The following ESRRG variants were observed in gnomAD, a reference collection of about 807,000 sequenced individuals.
The protein encoded by ESRRG is estrogen-related receptor gamma.
In ESRRG, 13 loss-of-function variants were observed where a neutral mutation model predicts 44.0. That is an observed-to-expected ratio of 0.30 (90% CI 0.19 to 0.47). The LOEUF (loss-of-function observed/expected upper bound fraction) is 0.47. ESRRG is among the 20% of genes least tolerant of loss of function. ESRRG has a pLI of 1.00. For missense variants in ESRRG, 395 were observed against 580.6 expected, an observed-to-expected ratio of 0.68 and a Z score of 3.29; for synonymous variants, 215 against 214.6, an observed-to-expected ratio of 1.00 and a Z score of -0.02.
chr1:216,976,784 G>A (rs1421303732), intron 1 of ESRRG, among the ~76,000 whole-genome samples: 1 of 152,098 alleles, frequency 6.6e-6, no homozygotes, highest in African/African-American at 2.4e-5. Context: ...AAATGAGTCT[G>A]TCTTTCCTCC....
At chr1:217,009,423 G>A (rs1237170286) in intron 1 of ESRRG, among the ~76,000 whole-genome samples, 2 of 152,140 alleles carry the variant, frequency 1.3e-5, no homozygotes, top group Non-Finnish European at 2.9e-5. Flanking sequence ...AAGACACAGA[G>A]GGACAGCCCA....
At chr1:217,049,782 C>T (rs11572415) in intron 1 of ESRRG, among the ~76,000 whole-genome samples, 18,368 of 152,108 alleles carry the variant, frequency 0.12, 1,328 homozygotes, top group East Asian at 0.21. Context: ...CAGTGTCATT[C>T]GTGAGAAGTC....
At chr1:217,005,544 A>C (rs1269676294) in intron 1 of ESRRG, among the ~76,000 whole-genome samples, 2 of 152,194 alleles carry the variant, frequency 1.3e-5, no homozygotes, top group Non-Finnish European at 2.9e-5. Flanking sequence ...GACAACTAAT[A>C]GAAGGACTTG....
intron 1 of ESRRG, among the ~76,000 whole-genome samples, chr1:216,687,843 G>A (rs772613112): frequency 1.3e-5 from 2 of 152,096 alleles, no homozygotes; most frequent in Non-Finnish European, 2.9e-5. Context: ...GTGAAATTTT[G>A]TTGAAATCAG....
upstream of ESRRG, chr1:216,723,619 G>T (rs974151060): frequency 5.6e-6 from 2 of 354,500 alleles, no homozygotes; most frequent in South Asian, 1.1e-4. Flanking sequence ...GCAGAGAGCC[G>T]AAGGGGGCTG....
chr1:216,514,982 AC>A (rs1426713163), intron 6 of ESRRG, among the ~76,000 whole-genome samples: 8 of 151,662 alleles, frequency 5.3e-5, no homozygotes, highest in African/African-American at 1.5e-4. Flanking sequence ...ACACACACAC[AC>A]ACAACACACA....
intron 1 of ESRRG, among the ~76,000 whole-genome samples, chr1:217,109,496 T>C (rs891755441): frequency 3.9e-5 from 6 of 152,154 alleles, no homozygotes; most frequent in African/African-American, 1.4e-4. Context: ...CTGAACTAAA[T>C]GAAGCACCCA....
intron 1 of ESRRG, among the ~76,000 whole-genome samples, chr1:216,988,480 A>G (rs1402682665): frequency 1.3e-5 from 2 of 152,190 alleles, no homozygotes; most frequent in African/African-American, 2.4e-5. Context: ...CCCTCTTCCT[A>G]GCTGCTACAT....
chr1:216,776,317 C>T (rs1236614813), intron 2 of ESRRG, among the ~76,000 whole-genome samples: 1 of 152,092 alleles, frequency 6.6e-6, no homozygotes, highest in East Asian at 1.9e-4. Flanking sequence ...ACTCCCAACA[C>T]ACATTTTCCC....
In ESRRG at chr1:216,590,299, G is replaced by A. The variant is rs138513874; in HGVS notation, c.590-22201C>T. ...CATACTTCAAACAGTTCTAAGATTC[G>A]TGGTATGGAACTGGATTAGTTTTGG... On this transcript the variant is annotated intron_variant, in intron 3 of 6. Transcript: ENST00000408911. Among the ~76,000 whole-genome samples the A allele has an allele frequency of 2.6e-4, 39 of 152,078 alleles. No individual in the cohort carries two copies. In the East Asian group the frequency reaches 6.4e-3, roughly 25 times the overall value.
intron 1 of ESRRG, among the ~76,000 whole-genome samples, chr1:217,117,968 A>G (rs1202840287): frequency 3.3e-5 from 5 of 152,214 alleles, no homozygotes; most frequent in Admixed American, 2.6e-4. Flanking sequence ...CTTGCTTTCA[A>G]AAATTCATCT....
At chr1:216,789,162 T>C (rs2094229054) in intron 2 of ESRRG, among the ~76,000 whole-genome samples, 1 of 152,132 alleles carries the variant, frequency 6.6e-6, no homozygotes, top group South Asian at 2.1e-4. Context: ...AGTTCTTCTG[T>C]GGGTAAAATG....
chr1:216,603,396 C>T (rs2059499698), intron 3 of ESRRG, among the ~76,000 whole-genome samples: 2 of 152,136 alleles, frequency 1.3e-5, no homozygotes, highest in East Asian at 1.9e-4. Context: ...TATAACTTTA[C>T]CTATCTGCCT....
At chr1:216,566,728 C>T (rs2059747407) in intron 4 of ESRRG, among the ~76,000 whole-genome samples, 1 of 152,102 alleles carries the variant, frequency 6.6e-6, no homozygotes, top group Admixed American at 6.6e-5. Flanking sequence ...CTGTTTAATG[C>T]AGTCCTCGAT....
rs918990951 is a variant in ESRRG, at chr1:216,606,310, T to A, written c.590-38212A>T. Reference sequence around the variant, plus strand: ...CACTGTATTTAACTGAATTTACAGATGCCCCAACTCAGACGTGGTAGTAAA... The same window carrying A: ...CACTGTATTTAACTGAATTTACAGAAGCCCCAACTCAGACGTGGTAGTAAA... On this transcript the variant is annotated intron_variant, in intron 3 of 6. Transcript: ENST00000408911. Among the ~76,000 whole-genome samples the A allele has an allele frequency of 5.3e-5, 8 of 152,208 alleles. No individual in the cohort carries two copies. The South Asian group carries it at 1.7e-3, about 32-fold the overall frequency.
At chr1:216,926,005 A>C (rs2062513953) in intron 2 of ESRRG, among the ~76,000 whole-genome samples, 1 of 152,166 alleles carries the variant, frequency 6.6e-6, no homozygotes, top group Admixed American at 6.5e-5. Context: ...TCAGGAGAAA[A>C]CAATCTGAGC....
At chr1:216,736,687 A>C (rs2089978619) in intron 2 of ESRRG, among the ~76,000 whole-genome samples, 1 of 152,152 alleles carries the variant, frequency 6.6e-6, no homozygotes, top group African/African-American at 2.4e-5. Context: ...TCAGTGAACA[A>C]GAGGGAACCG....
intron 1 of ESRRG, chr1:216,959,412 C>G (rs1377298949): frequency 6.6e-6 from 1 of 152,046 alleles, no homozygotes; most frequent in Non-Finnish European, 1.5e-5. Flanking sequence ...AGAAATGAGG[C>G]CAGGAATGTT....
At chr1:216,735,728 C>G (rs905473389) in intron 2 of ESRRG, among the ~76,000 whole-genome samples, 3 of 151,918 alleles carry the variant, frequency 2.0e-5, no homozygotes, top group African/African-American at 7.3e-5. Context: ...TGCCTGTAAT[C>G]CCAGCACTTT....
Sources: allele counts gnomAD v4.1 joint callset (sites outside exome capture counted in the v4.1 genomes callset), GRCh38; gene constraint gnomAD v4.1.1; transcripts MANE v1.5; gene names NCBI Gene and HGNC (gene_info 2026-07-23, HGNC 2026-07-21).